The following AKAP7 variants were observed in gnomAD, a reference collection of about 807,000 sequenced individuals.
AKAP7 encodes A kinase (PRKA) anchor protein 7.
Under a neutral mutation model 39.5 loss-of-function variants are expected in AKAP7, and 39 were observed. That is an observed-to-expected ratio of 0.99 (90% confidence interval 0.76 to 1.29). AKAP7 has a LOEUF of 1.29. Among genes scored for constraint, AKAP7 ranks in the 50% most tolerant of loss-of-function variants. The probability of loss-of-function intolerance (pLI) is 0.00; values close to 1 mark genes in which losing one functional copy is unlikely to be tolerated. For synonymous variants in AKAP7, 140 were observed against 139.1 expected (o/e 1.01, Z -0.05); for missense variants, 414 against 407.7 (o/e 1.02, Z -0.13).
chr6:131,160,782 C>T (rs757601898), intron 3 of AKAP7, among the ~76,000 whole-genome samples: 9 of 152,130 alleles, frequency 5.9e-5, no homozygotes, highest in Non-Finnish European at 1.0e-4. Flanking sequence ...CTTAATATTG[C>T]ACCATTAAAC....
chr6:131,159,756 A>G (rs114297952), intron 2 of AKAP7, among the ~76,000 whole-genome samples: 32 of 152,352 alleles, frequency 2.1e-4, no homozygotes, highest in African/African-American at 7.0e-4. Flanking sequence ...TCAGCTCACT[A>G]TGGCCCTCAG....
chr6:131,240,317 A>C (rs576143751), intron 7 of AKAP7, among the ~76,000 whole-genome samples: 1 of 152,268 alleles, frequency 6.6e-6, no homozygotes, highest in African/African-American at 2.4e-5. Context: ...GTCTGCCCCT[A>C]CTGGGGGGTG....
chr6:131,236,578 C>T (rs1365355980), intron 7 of AKAP7, among the ~76,000 whole-genome samples: 1 of 152,146 alleles, frequency 6.6e-6, no homozygotes, highest in Non-Finnish European at 1.5e-5. Context: ...TCTTTTATTT[C>T]GTTGAGCAGT....
At chr6:131,208,974 A>T (rs1408402067) in intron 6 of AKAP7, among the ~76,000 whole-genome samples, 1 of 152,214 alleles carries the variant, frequency 6.6e-6, no homozygotes, top group Non-Finnish European at 1.5e-5. Context: ...TCTGAGTGTA[A>T]CAGAGCAGGA....
In AKAP7 at chr6:131,281,746, A is replaced by G. The variant is rs532394065; in HGVS notation, c.*20A>G. 5.7e-6 allele frequency: 9 copies of G among 1,575,392 alleles called. No homozygotes were observed. In the East Asian group the frequency reaches 1.1e-4, roughly 20 times the overall value. On this transcript the variant is annotated 3_prime_UTR_variant, in exon 8 of 8. Coordinates refer to ENST00000431975, the MANE Select transcript of AKAP7 (RefSeq NM_016377.4). This position sits in a 1 kb window ranked among gnomAD's most constrained non-coding sequence, Gnocchi z 4.0. ...AAATGAGCCCGGAACGCAGGCCCCC[A>G]TGTCTCTGTGCAAAGCCTCCCTGCT...
At chr6:131,131,218 T>C (rs1800320967), upstream of AKAP7, among the ~76,000 whole-genome samples, 1 of 152,202 alleles carries the variant, frequency 6.6e-6, no homozygotes, top group African/African-American at 2.4e-5. Flanking sequence ...ATTCTAAGAC[T>C]TGGGCAGTTG....
intron 7 of AKAP7, among the ~76,000 whole-genome samples, chr6:131,222,252 G>A (rs1304953277): frequency 1.3e-5 from 2 of 152,212 alleles, no homozygotes. Context: ...ATGGCCAGGC[G>A]CGGTGGCTCA....
At chr6:131,265,105 G>A (rs1043505602) in intron 7 of AKAP7, among the ~76,000 whole-genome samples, 1 of 152,100 alleles carries the variant, frequency 6.6e-6, no homozygotes, top group African/African-American at 2.4e-5. Flanking sequence ...CTATACTATA[G>A]GCCAATCATG....
At position 131,219,700 on chromosome 6, in the gene AKAP7, AT is replaced by A; in HGVS notation, c.743del (p.Ile248ThrfsTer13). The A allele has an allele frequency of 5.6e-6, 9 of 1,596,224 alleles. No homozygotes were observed. Among genetic ancestry groups the A allele is most frequent in the Non-Finnish European group, 7.7e-6 (9 of 1,172,090 alleles). Reference sequence around the variant, plus strand: ...AGATCCTGATTTATATGAAAAGTTTATCAGTCACAGATTTGGAGAAGAAATA... The same window carrying A: ...AGATCCTGATTTATATGAAAAGTTTACAGTCACAGATTTGGAGAAGAAATA... ...KIDPDLYEKF[I>X]SHRFGEEILY... On this transcript the variant is annotated frameshift_variant, in exon 7 of 8. Coordinates refer to ENST00000431975, the MANE Select transcript of AKAP7 (RefSeq NM_016377.4). LOFTEE classifies it high-confidence loss of function.
intron 5 of AKAP7, among the ~76,000 whole-genome samples, chr6:131,195,524 G>A (rs1364736817): frequency 1.3e-5 from 2 of 152,066 alleles, no homozygotes; most frequent in Non-Finnish European, 2.9e-5. Context: ...ATTATTTCTA[G>A]TGAGTTTTGT....
intron 6 of AKAP7, among the ~76,000 whole-genome samples, chr6:131,201,548 T>C (rs2128282897): frequency 6.6e-6 from 1 of 152,318 alleles, no homozygotes; most frequent in Middle Eastern, 3.4e-3. Context: ...AGGTTGCCTG[T>C]TCACTCTGAT....
intron 1 of AKAP7, among the ~76,000 whole-genome samples, chr6:131,140,097 A>G (rs1197551530): frequency 6.6e-6 from 1 of 152,158 alleles, no homozygotes; most frequent in Non-Finnish European, 1.5e-5. Context: ...GTGTGAGGTC[A>G]AGGTATAGAA....
In AKAP7 at chr6:131,260,894, C is replaced by T. The variant is rs1275697760; in HGVS notation, c.851-20636C>T. ...TTTTATTTTCCTTAATTTATAGTCACTATTAAATGAATATTTTAATGGCCC... is the reference window on the plus strand; with the variant it reads ...TTTTATTTTCCTTAATTTATAGTCATTATTAAATGAATATTTTAATGGCCC... On this transcript the variant is annotated intron_variant, in intron 7 of 7. Transcript: ENST00000431975. 2.6e-5 allele frequency among the ~76,000 whole-genome samples: 4 copies of T among 152,234 alleles called. No homozygotes were observed. The East Asian group carries it at 7.7e-4, about 29-fold the overall frequency.
chr6:131,129,145 G>T, the AKAP7 span, among the ~76,000 whole-genome samples: 2 of 152,074 alleles, frequency 1.3e-5, no homozygotes, highest in Non-Finnish European at 2.9e-5. Context: ...AAATTAGCCA[G>T]GTGTGGTGTC....
At chr6:131,199,986 C>T in intron 6 of AKAP7, 2 of 191,648 alleles carry the variant, frequency 1.0e-5, no homozygotes, top group Non-Finnish European at 1.1e-5. Context: ...GCTTTTTTTA[C>T]CCCTCTTCCT....
chr6:131,272,697 A>G (rs977210607), intron 7 of AKAP7, among the ~76,000 whole-genome samples: 2 of 152,216 alleles, frequency 1.3e-5, no homozygotes, highest in Non-Finnish European at 2.9e-5. Flanking sequence ...ATTTGAATCC[A>G]TTGTGGAACA....
At chr6:131,243,248 T>C (rs756183498) in intron 7 of AKAP7, among the ~76,000 whole-genome samples, 4 of 152,190 alleles carry the variant, frequency 2.6e-5, no homozygotes, top group African/African-American at 4.8e-5. Flanking sequence ...GAATTTTTGG[T>C]ATTTGCAGCT....
At chr6:131,193,472 T>G (rs1806614148) in intron 5 of AKAP7, among the ~76,000 whole-genome samples, 2 of 151,858 alleles carry the variant, frequency 1.3e-5, no homozygotes, top group South Asian at 4.1e-4. Context: ...TTGAATTCAG[T>G]GATTTTTGCA....
chr6:131,225,182 C>A (rs545436075), intron 7 of AKAP7, among the ~76,000 whole-genome samples: 11 of 152,206 alleles, frequency 7.2e-5, no homozygotes, highest in African/African-American at 2.6e-4. Context: ...TAAAAAAATT[C>A]TGTGATTCCT....
Sources: gnomAD v4.1 joint callset for allele counts (sites outside exome capture counted in the v4.1 genomes callset) on GRCh38, gnomAD v4.1.1 for gene constraint, Gnocchi (gnomAD v3.1) non-coding constraint, MANE v1.5 for transcripts, NCBI Gene and HGNC (gene_info 2026-07-23, HGNC 2026-07-21) for gene names.